Variants in ZIC4 observed in about 807,000 individuals in gnomAD.
ZIC4 encodes the protein Zic family zinc finger 4.
A neutral mutation model predicts 28.8 loss-of-function variants in ZIC4; 15 were observed. That is an observed-to-expected ratio of 0.52 (90% CI 0.35 to 0.80). The LOEUF (loss-of-function observed/expected upper bound fraction) is 0.80. ZIC4 is among the 30% of genes least tolerant of loss of function. ZIC4 has a pLI of 0.01. For synonymous variants in ZIC4, 220 were observed against 198.1 expected (o/e 1.11, Z -0.93); for missense variants, 512 against 467.1 (o/e 1.10, Z -0.89).
At position 147,392,340 on chromosome 3, in the gene ZIC4, A is replaced by C. The variant is rs2086943793; in HGVS notation, c.689-1094T>G. Reference sequence around the variant, plus strand: ...GGAGGGGCTGGGATCGGTGGCTGCGATGCCCTGTAGAGCCGAGGGAAGGCG... The same window carrying C: ...GGAGGGGCTGGGATCGGTGGCTGCGCTGCCCTGTAGAGCCGAGGGAAGGCG... On this transcript the variant is annotated intron_variant, in intron 3 of 4. Transcript: ENST00000383075. The C allele has an allele frequency of 3.0e-6, 3 of 985,648 alleles. No individual in the cohort carries two copies. The African/African-American group carries it at 5.2e-5, about 17-fold the overall frequency. 61.1% of individuals were successfully genotyped at this position (985,648 alleles called of 1,614,324 possible). A position where few individuals can be genotyped will look rare whatever the true frequency, so the allele number is the denominator to read the frequency against.
chr3:147,402,948 C>T, intron 1 of ZIC4, 136 bp from the exon 2 acceptor site: 1 of 669,204 alleles, frequency 1.5e-6, no homozygotes. Context: ...TGACCATTTT[C>T]AAATTTTGAA....
chr3:147,393,848 C>T (rs759001630), intron 3 of ZIC4: 1 of 456,074 alleles, frequency 2.2e-6, no homozygotes, highest in African/African-American at 2.0e-5. Context: ...GCGCCTCCCT[C>T]CCCGAGGCAC....
rs906844732 is a variant in ZIC4 at position 147,390,890 on chromosome 3, C to T, written c.1004+41G>A. 7 of 1,559,252 alleles carry T rather than the reference C, an allele frequency of 4.5e-6. No individual in the cohort carries two copies. The African/African-American group carries it at 6.8e-5, about 15-fold the overall frequency. ...GGTAGCTCGGGGCTGAGGATCGCGG[C>T]GGGGGCAGCCGCTATGGGGCCCAAG... On this transcript the variant is annotated intron_variant, in intron 4 of 4. Coordinates refer to ENST00000383075, the MANE Select transcript of ZIC4 (RefSeq NM_032153.6).
chr3:147,395,110 T>C (rs548157105), intron 3 of ZIC4, among the ~76,000 whole-genome samples: 1 of 152,354 alleles, frequency 6.6e-6, no homozygotes, highest in South Asian at 2.1e-4. Flanking sequence ...CAGGCTGTTC[T>C]GGAAGTGTGA....
In ZIC4 at chr3:147,396,330, G is replaced by A. The variant is rs1187853607; in HGVS notation, c.210C>T (p.Asp70=). ...NGLLRLGLPG[D]MYARPEPFPP... is the part of the protein sequence containing the mutation. ...GGAAGGGCTCCGGCCGCGCGTACAT[G>A]TCTCCAGGGAGCCCCAGACGCAGGA... The change falls in exon 3 of 5, where the codon GAC becomes GAT. Residue 70 remains aspartate (D), a synonymous_variant. Transcript: ENST00000383075. The surrounding 1 kb of genome is among the most constrained non-coding windows in gnomAD (Gnocchi z 4.2). The A allele has an allele frequency of 6.3e-7, 1 of 1,588,026 alleles. No individual in the cohort carries two copies. Among genetic ancestry groups the A allele is most frequent in the Non-Finnish European group, 8.6e-7 (1 of 1,168,522 alleles).
Position 147,388,812 on chromosome 3 carries a change from G to T in ZIC4, c.*47C>A, listed in dbSNP as rs945666747. 3.9e-6 allele frequency: 3 copies of T among 773,746 alleles called. No homozygotes were observed. In the African/African-American group the frequency reaches 5.1e-5, roughly 13 times the overall value. 47.9% of individuals were successfully genotyped at this position (773,746 alleles called of 1,614,324 possible). A position where few individuals can be genotyped will look rare whatever the true frequency, so the allele number is the denominator to read the frequency against. ...ATGTAGCAGGCGCGAGATGCGGGGCGCTCAGCTGCGCGGAGCGAGATTACC... is the reference window on the plus strand; with the variant it reads ...ATGTAGCAGGCGCGAGATGCGGGGCTCTCAGCTGCGCGGAGCGAGATTACC... On this transcript the variant is annotated 3_prime_UTR_variant, in exon 5 of 5. Transcript: ENST00000383075.
rs749732111 is a variant in ZIC4 at position 147,396,393 on chromosome 3, C to T, written c.147G>A (p.Glu49=). Residue 49 remains glutamate, a synonymous_variant, in exon 3 of 5, where the codon GAG becomes GAA. Coordinates refer to ENST00000383075, the MANE Select transcript of ZIC4 (RefSeq NM_032153.6). This position sits in a 1 kb window ranked among gnomAD's most constrained non-coding sequence, Gnocchi z 4.2. ...GACGGCTGGGGGAGGCCTGGGGAGG[C>T]TCCTCGTGGAGGCCCGGGAACACCG... ...SPSVFPGLHE[E]PPQASPSRPL... is the part of the protein sequence containing the mutation. 4.6e-6 allele frequency: 7 copies of T among 1,528,224 alleles called. No individual in the cohort carries two copies. The highest frequency in any genetic ancestry group is 6.1e-6 in the Non-Finnish European group (7 of 1,142,068). 94.7% of individuals were successfully genotyped at this position (1,528,224 alleles called of 1,614,324 possible).
At position 147,388,746 on chromosome 3, in the gene ZIC4, C is replaced by A. The variant is rs1318093814; in HGVS notation, c.*113G>T. 2.8e-5 allele frequency: 20 copies of A among 718,428 alleles called. No individual in the cohort carries two copies. In the Admixed American group the frequency reaches 4.3e-4, roughly 16 times the overall value. The allele number at this position is 718,428 out of a possible 1,614,324, so 44.5% of individuals were successfully genotyped here. A position where few individuals can be genotyped will look rare whatever the true frequency, so the allele number is the denominator to read the frequency against. On this transcript the variant is annotated 3_prime_UTR_variant, in exon 5 of 5. Transcript: ENST00000383075. ...GAAATCCTAACTTACCATGAAGATGCACCGTGGCGAAGAAACACTGCTTTG... is the reference window on the plus strand; with the variant it reads ...GAAATCCTAACTTACCATGAAGATGAACCGTGGCGAAGAAACACTGCTTTG...
intron 2 of ZIC4, among the ~76,000 whole-genome samples, chr3:147,399,701 T>G (rs1182561057): frequency 6.8e-6 from 1 of 147,726 alleles, no homozygotes; most frequent in Non-Finnish European, 1.5e-5. Flanking sequence ...AGTCTCCCTC[T>G]GTCGCCCAGG....
rs1010133454 is a variant in ZIC4 at position 147,388,603 on chromosome 3, A to C, written c.*256T>G. On this transcript the variant is annotated 3_prime_UTR_variant, in exon 5 of 5. Transcript: ENST00000383075. Reference sequence around the variant, plus strand: ...TAGTCCGCGTCAAACAAAAATATATACTTGTATACACAAGAAAAAAGGTCT... The same window carrying C: ...TAGTCCGCGTCAAACAAAAATATATCCTTGTATACACAAGAAAAAAGGTCT... 17 of 438,044 alleles carry C rather than the reference A, an allele frequency of 3.9e-5. No homozygotes were observed. The highest frequency in any genetic ancestry group is 5.7e-4 in the Middle Eastern group (1 of 1,742). The allele number at this position is 438,044 out of a possible 1,614,324, so 27.1% of individuals were successfully genotyped here.
intron 2 of ZIC4, among the ~76,000 whole-genome samples, chr3:147,401,121 T>C (rs920275887): frequency 6.6e-6 from 1 of 152,202 alleles, no homozygotes; most frequent in Admixed American, 6.5e-5. Flanking sequence ...TCAGAGCCTC[T>C]GCAAACCAGT....
intron 3 of ZIC4, among the ~76,000 whole-genome samples, chr3:147,394,533 T>C (rs2086997457): frequency 6.7e-6 from 1 of 148,576 alleles, no homozygotes; most frequent in Admixed American, 6.7e-5. Context: ...GGACTGCGAG[T>C]CTACCTTCCG....
At position 147,387,880 on chromosome 3, in the gene ZIC4, G is replaced by A. The variant is rs1263393998; in HGVS notation, c.*979C>T. The A allele has an allele frequency of 2.6e-5, 4 of 152,246 alleles. No homozygotes were observed. The highest frequency in any genetic ancestry group is 6.5e-5 in the Admixed American group (1 of 15,274). 9.4% of individuals were successfully genotyped at this position (152,246 alleles called of 1,614,324 possible). ...CCCCCCAAGTCGCCATTAAATTTAAGCCTCCATCCTACTCAAGAGTCAGAA... is the reference window on the plus strand; with the variant it reads ...CCCCCCAAGTCGCCATTAAATTTAAACCTCCATCCTACTCAAGAGTCAGAA... On this transcript the variant is annotated 3_prime_UTR_variant, in exon 5 of 5. Coordinates refer to ENST00000383075, the MANE Select transcript of ZIC4 (RefSeq NM_032153.6).
At chr3:147,398,240 A>G (rs994124748) in intron 2 of ZIC4, among the ~76,000 whole-genome samples, 2 of 152,186 alleles carry the variant, frequency 1.3e-5, no homozygotes, top group African/African-American at 4.8e-5. Flanking sequence ...GCCTCTGGGA[A>G]AGGGGATTTA....
chr3:147,403,357 AC>A (rs2087208081), intron 1 of ZIC4, among the ~76,000 whole-genome samples: 3 of 152,112 alleles, frequency 2.0e-5, no homozygotes, highest in Non-Finnish European at 2.9e-5. Flanking sequence ...CATTTCCCAT[AC>A]CCCAGACCCA....
At position 147,394,213 on chromosome 3, in the gene ZIC4, AGTTCGTT is replaced by A. The variant is rs1365488001; in HGVS notation, c.688+1632_688+1638del. ...AATGCCCGAGCAGGCCAGACTCTGT[AGTTCGTT>A]GTTGGTCGTGTTTGTTTGTTTGTTT... is the stretch of plus-strand genomic sequence containing the variant. On this transcript the variant is annotated intron_variant, in intron 3 of 4. Transcript: ENST00000383075. Among the ~76,000 whole-genome samples, 4 of 150,964 alleles carry A rather than the reference AGTTCGTT, an allele frequency of 2.6e-5. No individual in the cohort carries two copies. The East Asian group carries it at 7.9e-4, about 30-fold the overall frequency.
intron 1 of ZIC4, chr3:147,405,246 T>A: frequency 1.2e-6 from 1 of 868,920 alleles, no homozygotes; most frequent in Non-Finnish European, 1.7e-6. Context: ...AGGCTGGGCA[T>A]TTAGCCCTCC....
intron 4 of ZIC4, 197 bp from the exon 5 acceptor site, chr3:147,389,056 T>C: frequency 3.3e-6 from 2 of 606,112 alleles, no homozygotes; most frequent in Non-Finnish European, 5.9e-6. Flanking sequence ...CCTCTGCACC[T>C]TAGTGGTGGG....
At chr3:147,405,596 T>C (rs1308791887) in intron 1 of ZIC4, 3 of 996,266 alleles carry the variant, frequency 3.0e-6, no homozygotes, top group Admixed American at 4.1e-5. Context: ...GCCAGAATCC[T>C]AGGAGCTGCG....
Sources: allele counts gnomAD v4.1 joint callset (sites outside exome capture counted in the v4.1 genomes callset), GRCh38; gene constraint gnomAD v4.1.1; non-coding constraint Gnocchi (gnomAD v3.1); transcripts MANE v1.5; gene names NCBI Gene and HGNC (gene_info 2026-07-23, HGNC 2026-07-21).